Variants in RFTN1 observed in about 807,000 individuals in gnomAD.
RFTN1 encodes raftlin.
A neutral mutation model predicts 46.5 loss-of-function variants in RFTN1; 26 were observed. The ratio of observed to expected loss-of-function variants is 0.56; its 90% CI spans 0.41 to 0.78. RFTN1 has a LOEUF of 0.78. Among genes scored for constraint, RFTN1 ranks in the 30% least tolerant of loss-of-function variants. The pLI is 0.00. For missense variants in RFTN1, 693 were observed against 718.7 expected (o/e 0.96, Z 0.41); for synonymous variants, 261 against 284.2 (o/e 0.92, Z 0.82).
In RFTN1 at chr3:16,433,247, C is replaced by A. The variant is rs2075431915; in HGVS notation, c.332+604G>T. Among the ~76,000 whole-genome samples the A allele has an allele frequency of 1.3e-5, 2 of 151,902 alleles. No individual in the cohort carries two copies. The highest frequency in any genetic ancestry group is 4.8e-5 in the African/African-American group (2 of 41,382). Reference sequence around the variant, plus strand: ...CCACTTCTCTTTTCTTAATTAGGCTCAACTGAAATATAGGCATAAGCATTC... The same window carrying A: ...CCACTTCTCTTTTCTTAATTAGGCTAAACTGAAATATAGGCATAAGCATTC... On this transcript the variant is annotated intron_variant, in intron 3 of 9. Coordinates refer to ENST00000334133, the MANE Select transcript of RFTN1 (RefSeq NM_015150.2). The surrounding 1 kb of genome is among the most constrained non-coding windows in gnomAD (Gnocchi z 4.4).
Position 16,473,508 on chromosome 3 carries a change from C to T in RFTN1, c.145+20217G>A, listed in dbSNP as rs1477007495. Among the ~76,000 whole-genome samples, 2 of 151,466 alleles carry T rather than the reference C, an allele frequency of 1.3e-5. No homozygotes were observed. The highest frequency in any genetic ancestry group is 6.6e-5 in the Admixed American group (1 of 15,214). ...CTCTGCCTCCTGGGTTCAAGCAATT[C>T]TCCTGCCTCAGCCTCCCAAGGAGCT... is the stretch of plus-strand genomic sequence containing the variant. On this transcript the variant is annotated intron_variant, in intron 2 of 9. Transcript: ENST00000334133. The surrounding 1 kb of genome is among the most constrained non-coding windows in gnomAD (Gnocchi z 5.3).
chr3:16,356,578 C>T lies in RFTN1; in HGVS notation c.1146+1354G>A, dbSNP rs550987622. Among the ~76,000 whole-genome samples the T allele has an allele frequency of 6.6e-4, 101 of 152,332 alleles. No individual in the cohort carries two copies. Among genetic ancestry groups the T allele is most frequent in the African/African-American group, 2.4e-3 (98 of 41,572 alleles). ...TGAGTAATAGTGTCCCGGGGGACAT[C>T]CAACTCACCCCCCACCATCCCATCT... On this transcript the variant is annotated intron_variant, in intron 7 of 9. Transcript: ENST00000334133. This position sits in a 1 kb window ranked among gnomAD's most constrained non-coding sequence, Gnocchi z 4.9.
In RFTN1 at chr3:16,344,962, T is replaced by C. The variant is rs1026661342; in HGVS notation, c.1146+12970A>G. Among the ~76,000 whole-genome samples, 1 of 152,160 alleles carries C rather than the reference T, an allele frequency of 6.6e-6. No individual in the cohort carries two copies. Among genetic ancestry groups the C allele is most frequent in the Non-Finnish European group, 1.5e-5 (1 of 68,032 alleles). ...CTCTCTTCATCTGTGGCTCTCAAAC[T>C]ATGCATTTTAAGCTCTTTTAGGGGG... is the stretch of plus-strand genomic sequence containing the variant. On this transcript the variant is annotated intron_variant, in intron 7 of 9. Transcript: ENST00000334133. This position sits in a 1 kb window ranked among gnomAD's most constrained non-coding sequence, Gnocchi z 4.4.
rs1044258196 is a variant in RFTN1, at chr3:16,400,074, C to G, written c.441+9301G>C. ...AAAGTATACATTTAGGAATCATTCT[C>G]CAGCTGCTCCTGAAAGCCCTCCAGC... On this transcript the variant is annotated intron_variant, in intron 4 of 9. Transcript: ENST00000334133. The surrounding 1 kb of genome is among the most constrained non-coding windows in gnomAD (Gnocchi z 4.5). Among the ~76,000 whole-genome samples, 2 of 152,204 alleles carry G rather than the reference C, an allele frequency of 1.3e-5. No homozygotes were observed. The highest frequency in any genetic ancestry group is 4.8e-5 in the African/African-American group (2 of 41,442).
rs1157386665 is a variant in RFTN1 at position 16,458,212 on chromosome 3, G to T, written c.146-24175C>A. Among the ~76,000 whole-genome samples the T allele has an allele frequency of 3.9e-5, 6 of 152,196 alleles. No individual in the cohort carries two copies. The highest frequency in any genetic ancestry group is 8.8e-5 in the Non-Finnish European group (6 of 68,042). On this transcript the variant is annotated intron_variant, in intron 2 of 9. Transcript: ENST00000334133. This position sits in a 1 kb window ranked among gnomAD's most constrained non-coding sequence, Gnocchi z 5.1. ...CCTACTATGTGCCATGCTTGTGTTA[G>T]GTACCAGGAAGATAAAAGGAAACAA...
chr3:16,478,213 G>A (rs1039988864), intron 2 of RFTN1, among the ~76,000 whole-genome samples: 10 of 152,150 alleles, frequency 6.6e-5, no homozygotes, highest in Non-Finnish European at 1.3e-4. Context: ...AACTATTAAT[G>A]TGACCCCTTT....
intron 7 of RFTN1, 34 bp from the exon 8 acceptor site, chr3:16,326,910 T>G: frequency 6.5e-7 from 1 of 1,548,278 alleles, no homozygotes; most frequent in African/African-American, 1.4e-5. Flanking sequence ...GGGCTGCTGC[T>G]GCCACAAGCC....
intron 1 of RFTN1, among the ~76,000 whole-genome samples, chr3:16,511,149 G>A (rs1344890226): frequency 2.0e-5 from 3 of 152,196 alleles, no homozygotes; most frequent in East Asian, 1.9e-4. Flanking sequence ...GAATGAGGAT[G>A]AAGGCACCTG....
chr3:16,345,135 A>T lies in RFTN1; in HGVS notation c.1146+12797T>A, dbSNP rs2071556176. The stretch of plus-strand genomic sequence containing the variant: ...TTGGAAGTGGATTCTTCCCCACCAA[A>T]ACCTCTAATAAGGCACACAGCTCTG... On this transcript the variant is annotated intron_variant, in intron 7 of 9. Coordinates refer to ENST00000334133, the MANE Select transcript of RFTN1 (RefSeq NM_015150.2). The surrounding 1 kb of genome is among the most constrained non-coding windows in gnomAD (Gnocchi z 5.2). The T allele has an allele frequency of 6.6e-6, 1 of 152,218 alleles. No individual in the cohort carries two copies. The highest frequency in any genetic ancestry group is 2.4e-5 in the African/African-American group (1 of 41,424). 9.4% of individuals were successfully genotyped at this position (152,218 alleles called of 1,614,324 possible). A position where few individuals can be genotyped will look rare whatever the true frequency, so the allele number is the denominator to read the frequency against.
chr3:16,488,100 CTTTTTTTTT>C (rs11328637), intron 2 of RFTN1, among the ~76,000 whole-genome samples: 2 of 125,728 alleles, frequency 1.6e-5, no homozygotes, highest in Non-Finnish European at 3.5e-5. Flanking sequence ...GTGATCCTGA[CTTTTTTTTT>C]TTTTTTTTTT....
At position 16,429,189 on chromosome 3, in the gene RFTN1, G is replaced by A. The variant is rs2075340013; in HGVS notation, c.332+4662C>T. Among the ~76,000 whole-genome samples, 1 of 152,202 alleles carries A rather than the reference G, an allele frequency of 6.6e-6. No homozygotes were observed. Among genetic ancestry groups the A allele is most frequent in the Admixed American group, 6.5e-5 (1 of 15,286 alleles). On this transcript the variant is annotated intron_variant, in intron 3 of 9. Coordinates refer to ENST00000334133, the MANE Select transcript of RFTN1 (RefSeq NM_015150.2). This position sits in a 1 kb window ranked among gnomAD's most constrained non-coding sequence, Gnocchi z 6.4. ...TGGTAAAATGAAATGGCAGTTATTA[G>A]AATTTTCAGAAGAAAAGATCAGGTA...
chr3:16,383,016 C>T lies in RFTN1; in HGVS notation c.442-4914G>A, dbSNP rs1179615278. Among the ~76,000 whole-genome samples, 5 of 152,226 alleles carry T rather than the reference C, an allele frequency of 3.3e-5. No individual in the cohort carries two copies. Among genetic ancestry groups the T allele is most frequent in the Non-Finnish European group, 7.3e-5 (5 of 68,046 alleles). ...GGAAACAGCAACTATTAACATTGCA[C>T]AGCTCTTCTACAAAGAACTTTCACA... On this transcript the variant is annotated intron_variant, in intron 4 of 9. Transcript: ENST00000334133. The surrounding 1 kb of genome is among the most constrained non-coding windows in gnomAD (Gnocchi z 4.0).
At chr3:16,423,192 T>C (rs75021622) in intron 3 of RFTN1, among the ~76,000 whole-genome samples, 11,802 of 151,016 alleles carry the variant, frequency 0.078, 1,122 homozygotes, top group African/African-American at 0.23. Context: ...TTAGACTCCC[T>C]GTCTTACTCC....
intron 4 of RFTN1, among the ~76,000 whole-genome samples, chr3:16,399,709 C>A (rs2074556791): frequency 6.6e-6 from 1 of 152,208 alleles, no homozygotes; most frequent in Non-Finnish European, 1.5e-5. Flanking sequence ...GCAGGCGTCT[C>A]CAGCCCAGAT....
chr3:16,393,027 A>C (rs1449865306), intron 4 of RFTN1, among the ~76,000 whole-genome samples: 1 of 151,958 alleles, frequency 6.6e-6, no homozygotes, highest in South Asian at 2.1e-4. Flanking sequence ...TTCACTGAGC[A>C]CATGCTAAAT....
rs1467789277 is a variant in RFTN1 at position 16,376,417 on chromosome 3, C to G, written c.826+1301G>C. Among the ~76,000 whole-genome samples the G allele has an allele frequency of 6.6e-6, 1 of 152,152 alleles. No individual in the cohort carries two copies. The highest frequency in any genetic ancestry group is 1.5e-5 in the Non-Finnish European group (1 of 68,022). ...CTCTGCCTGGCCTGACTCTCGCCCT[C>G]CCACAGTCCTGGACCGTACAGAAGG... On this transcript the variant is annotated intron_variant, in intron 5 of 9. Coordinates refer to ENST00000334133, the MANE Select transcript of RFTN1 (RefSeq NM_015150.2). This position sits in a 1 kb window ranked among gnomAD's most constrained non-coding sequence, Gnocchi z 4.7.
chr3:16,343,520 C>T (rs2071447122), intron 7 of RFTN1, among the ~76,000 whole-genome samples: 1 of 152,352 alleles, frequency 6.6e-6, no homozygotes, highest in Non-Finnish European at 1.5e-5. Flanking sequence ...GTCACTTTCA[C>T]CTGTACCCTA....
At chr3:16,347,827 A>G (rs1457308243) in intron 7 of RFTN1, 1 of 152,226 alleles carries the variant, frequency 6.6e-6, no homozygotes, top group Non-Finnish European at 1.5e-5. Flanking sequence ...CCTCAATGGG[A>G]CTTTTTTACA....
chr3:16,402,770 G>A lies in RFTN1; in HGVS notation c.441+6605C>T, dbSNP rs1038680002. ...GGTTGAGGCATAAGTAGCATCATTCGGTTTTCTGAAGGACAATGTACTCGG... is the reference window on the plus strand; with the variant it reads ...GGTTGAGGCATAAGTAGCATCATTCAGTTTTCTGAAGGACAATGTACTCGG... On this transcript the variant is annotated intron_variant, in intron 4 of 9. Transcript: ENST00000334133. The surrounding 1 kb of genome is among the most constrained non-coding windows in gnomAD (Gnocchi z 4.5). 3.9e-5 allele frequency among the ~76,000 whole-genome samples: 6 copies of A among 152,062 alleles called. No individual in the cohort carries two copies. Among genetic ancestry groups the A allele is most frequent in the African/African-American group, 7.2e-5 (3 of 41,386 alleles).
Sources: gnomAD v4.1 joint callset for allele counts (sites outside exome capture counted in the v4.1 genomes callset) on GRCh38, gnomAD v4.1.1 for gene constraint, Gnocchi (gnomAD v3.1) non-coding constraint, MANE v1.5 for transcripts, NCBI Gene and HGNC (gene_info 2026-07-23, HGNC 2026-07-21) for gene names.